The following DIP2B variants were observed in gnomAD, a reference collection of about 807,000 sequenced individuals.
The protein encoded by DIP2B is DIP2 acetate--CoA ligase B (putative).
In DIP2B, 76 loss-of-function variants were observed where a neutral mutation model predicts 198.0. The observed-to-expected ratio is 0.38, with a 90% CI of 0.32 to 0.46. The LOEUF (loss-of-function observed/expected upper bound fraction) is 0.46. Among genes scored for constraint, DIP2B ranks in the 20% least tolerant of loss-of-function variants. The pLI is 0.99. For synonymous variants in DIP2B, 701 were observed against 739.1 expected (o/e 0.95, Z 0.84); for missense variants, 1,559 against 1,978.4 (o/e 0.79, Z 4.02).
chr12:50,696,397 T>C (rs1939312333), intron 16 of DIP2B, among the ~76,000 whole-genome samples: 1 of 152,256 alleles, frequency 6.6e-6, no homozygotes, highest in Non-Finnish European at 1.5e-5. Flanking sequence ...TACCAGGAAA[T>C]CGTCCATTGT....
In DIP2B at chr12:50,706,467, C is replaced by A. The variant is rs1304766168; in HGVS notation, c.2407-71C>A. On this transcript the variant is annotated intron_variant, in intron 20 of 37. Coordinates refer to ENST00000301180, the MANE Select transcript of DIP2B (RefSeq NM_173602.3). ...TTTTTAAATGAGATTTATTTAAAGGCAGGAAGTTAAAAGATGTCTGTTTTA... is the reference window on the plus strand; with the variant it reads ...TTTTTAAATGAGATTTATTTAAAGGAAGGAAGTTAAAAGATGTCTGTTTTA... 91 of 1,528,868 alleles carry A rather than the reference C, an allele frequency of 6.0e-5. No homozygotes were observed. The South Asian group carries it at 1.1e-3, about 18-fold the overall frequency. The allele number at this position is 1,528,868 out of a possible 1,614,324, so 94.7% of individuals were successfully genotyped here.
chr12:50,623,315 G>A (rs896862240), intron 1 of DIP2B, among the ~76,000 whole-genome samples: 10 of 151,866 alleles, frequency 6.6e-5, no homozygotes, highest in Admixed American at 1.3e-4. Flanking sequence ...TGAGGTTGCC[G>A]TGAGCTATGA....
chr12:50,647,942 C>T (rs369305923), intron 3 of DIP2B, among the ~76,000 whole-genome samples: 1 of 152,240 alleles, frequency 6.6e-6, no homozygotes, highest in East Asian at 1.9e-4. Context: ...CCCGTCTCTA[C>T]TAAAAATACA....
intron 1 of DIP2B, among the ~76,000 whole-genome samples, chr12:50,614,980 C>T (rs1937670249): frequency 6.6e-6 from 1 of 152,140 alleles, no homozygotes; most frequent in Non-Finnish European, 1.5e-5. Flanking sequence ...AAAGGAGATA[C>T]TTAGATTTTG....
At position 50,541,403 on chromosome 12, in the gene DIP2B, CT is replaced by C. The variant is rs57979674; in HGVS notation, c.100+36182del. The stretch of plus-strand genomic sequence containing the variant: ...TTGGAATCCAAGGACAAAGAACATT[CT>C]TTTTTTTTTTTTTTTTTTAAATCCA... On this transcript the variant is annotated intron_variant, in intron 1 of 37. Transcript: ENST00000301180. 4.4e-3 allele frequency among the ~76,000 whole-genome samples: 564 copies of C among 128,560 alleles called. 1 individual carries two copies. The highest frequency in any genetic ancestry group is 0.012 in the East Asian group (50 of 4,116). The allele number at this position is 128,560 out of a possible 152,430, so 84.3% of individuals were successfully genotyped here. A position where few individuals can be genotyped will look rare whatever the true frequency, so the allele number is the denominator to read the frequency against.
chr12:50,688,400 C>G (rs1298648760), intron 12 of DIP2B, among the ~76,000 whole-genome samples: 1 of 152,018 alleles, frequency 6.6e-6, no homozygotes, highest in African/African-American at 2.4e-5. Flanking sequence ...GCCTTTAATC[C>G]CAGTATTTTG....
Position 50,717,397 on chromosome 12 carries a change from G to T in DIP2B, c.2852-1312G>T, listed in dbSNP as rs1419771146. 4.8e-5 allele frequency among the ~76,000 whole-genome samples: 5 copies of T among 105,044 alleles called. No individual in the cohort carries two copies. In the Admixed American group the frequency reaches 7.7e-4, roughly 16 times the overall value. 68.9% of individuals were successfully genotyped at this position (105,044 alleles called of 152,430 possible). A position where few individuals can be genotyped will look rare whatever the true frequency, so the allele number is the denominator to read the frequency against. Reference sequence around the variant, plus strand: ...TTTTTTTTTTTTGAGATGGAGTCTCGCACTGTCGCCCAGGCTGGAGTGCAG... The same window carrying T: ...TTTTTTTTTTTTGAGATGGAGTCTCTCACTGTCGCCCAGGCTGGAGTGCAG... On this transcript the variant is annotated intron_variant, in intron 23 of 37. Transcript: ENST00000301180.
chr12:50,550,989 T>A (rs921226022), intron 1 of DIP2B, among the ~76,000 whole-genome samples: 1 of 151,724 alleles, frequency 6.6e-6, no homozygotes, highest in Non-Finnish European at 1.5e-5. Flanking sequence ...TTTGAGAGGC[T>A]GAGGTGGAAG....
intron 1 of DIP2B, among the ~76,000 whole-genome samples, chr12:50,540,053 G>GTTTTTTTTTTTTTTTTTTTTTTTT (rs60978324): frequency 9.1e-5 from 4 of 44,166 alleles, no homozygotes; most frequent in Non-Finnish European, 1.2e-4. Flanking sequence ...TTGTTTCTGT[G>GTTTTTTTTTTTTTTTTTTTTTTTT]TTTTTTTTTT....
chr12:50,597,548 C>A (rs898046328), intron 1 of DIP2B, among the ~76,000 whole-genome samples: 1 of 152,152 alleles, frequency 6.6e-6, no homozygotes. Context: ...AGCGTTAATA[C>A]AAACGAGCAT....
chr12:50,658,147 G>GT (rs1164550330), intron 3 of DIP2B, among the ~76,000 whole-genome samples: 1 of 151,288 alleles, frequency 6.6e-6, no homozygotes, highest in Non-Finnish European at 1.5e-5. Context: ...TTGTTGTTTT[G>GT]TTTTTTTGAG....
chr12:50,678,798 T>TG lies in DIP2B; in HGVS notation c.1040dup (p.Thr348TyrfsTer40). 1 of 1,614,210 alleles carries TG rather than the reference T, an allele frequency of 6.2e-7. No homozygotes were observed. Among genetic ancestry groups the TG allele is most frequent in the Non-Finnish European group, 8.5e-7 (1 of 1,180,032 alleles). On this transcript the variant is annotated frameshift_variant, in exon 8 of 38. Transcript: ENST00000301180. LOFTEE classifies it high-confidence loss of function. ...TGCTCTTGAATCTGCCCTGCAGCGCTGGGGTACCACTCAAGCAAAATGCTC... is the reference window on the plus strand; with the variant it reads ...TGCTCTTGAATCTGCCCTGCAGCGCTGGGGGTACCACTCAAGCAAAATGCTC...
chr12:50,609,067 A>G, intron 1 of DIP2B, among the ~76,000 whole-genome samples: 1 of 152,150 alleles, frequency 6.6e-6, no homozygotes, highest in African/African-American at 2.4e-5. Context: ...ATGGAGGCAG[A>G]GGTTGCAGTG....
intron 1 of DIP2B, among the ~76,000 whole-genome samples, chr12:50,553,520 T>C (rs910864193): frequency 2.0e-5 from 3 of 152,222 alleles, no homozygotes; most frequent in South Asian, 2.1e-4. Flanking sequence ...CCAGGTGTTA[T>C]AAGGTACGAC....
At chr12:50,511,841 G>A (rs1233892525) in intron 1 of DIP2B, among the ~76,000 whole-genome samples, 3 of 150,096 alleles carry the variant, frequency 2.0e-5, no homozygotes, top group Non-Finnish European at 1.5e-5. Flanking sequence ...CCAGCTACTC[G>A]GGAAGCTGAG....
At chr12:50,732,242 G>T in intron 31 of DIP2B, 124 bp from the exon 32 acceptor site, 1 of 1,022,928 alleles carries the variant, frequency 9.8e-7, no homozygotes, top group Non-Finnish European at 1.4e-6. Flanking sequence ...TTTTCTCTGT[G>T]TGCCTGAGGT....
chr12:50,664,277 T>C (rs1336298463), intron 4 of DIP2B, among the ~76,000 whole-genome samples: 2 of 152,244 alleles, frequency 1.3e-5, no homozygotes, highest in African/African-American at 4.8e-5. Context: ...ATAGTTGGCA[T>C]GGGAAATAAT....
chr12:50,625,848 A>G, intron 1 of DIP2B, 128 bp from the exon 2 acceptor site: 2 of 893,488 alleles, frequency 2.2e-6, no homozygotes, highest in Non-Finnish European at 3.4e-6. Flanking sequence ...AGAACCATAC[A>G]TTCCCCCCCC....
intron 1 of DIP2B, among the ~76,000 whole-genome samples, chr12:50,551,744 C>T (rs1958429206): frequency 2.0e-5 from 3 of 152,140 alleles, no homozygotes; most frequent in East Asian, 1.9e-4. Flanking sequence ...ATACCTGGCC[C>T]AATGTCCTTC....
Sources: allele counts gnomAD v4.1 joint callset (sites outside exome capture counted in the v4.1 genomes callset), GRCh38; gene constraint gnomAD v4.1.1; transcripts MANE v1.5; gene names NCBI Gene and HGNC (gene_info 2026-07-23, HGNC 2026-07-21).